The following NALCN variants were observed in gnomAD, a reference collection of about 807,000 sequenced individuals.
The protein encoded by NALCN is sodium leak channel, non-selective.
A neutral mutation model predicts 225.3 loss-of-function variants in NALCN; 111 were observed. The ratio of observed to expected loss-of-function variants is 0.49; its 90% CI spans 0.42 to 0.58. NALCN has a LOEUF of 0.58. Among genes scored for constraint, NALCN ranks in the 20% least tolerant of loss-of-function variants. The pLI is 0.00. For synonymous variants in NALCN, 764 were observed against 769.0 expected, an observed-to-expected ratio of 0.99 and a Z score of 0.11; for missense variants, 1,378 against 2,202.4, an observed-to-expected ratio of 0.63 and a Z score of 7.49.
chr13:101,207,753 G>C (rs903806238), intron 13 of NALCN, among the ~76,000 whole-genome samples: 1 of 152,184 alleles, frequency 6.6e-6, no homozygotes, highest in Non-Finnish European at 1.5e-5. Context: ...TGTGGGTGGG[G>C]CCAGATAAGG....
At chr13:101,274,006 T>G (rs997244496) in intron 10 of NALCN, among the ~76,000 whole-genome samples, 1 of 151,848 alleles carries the variant, frequency 6.6e-6, no homozygotes, top group Non-Finnish European at 1.5e-5. Context: ...TTTCGTGTCA[T>G]CTGGTGTAAA....
At chr13:101,114,333 A>G (rs2035593485) in intron 18 of NALCN, among the ~76,000 whole-genome samples, 1 of 152,106 alleles carries the variant, frequency 6.6e-6, no homozygotes, top group African/African-American at 2.4e-5. Flanking sequence ...TGGAAACATC[A>G]ACGCTTTCTT....
chr13:101,412,688 C>G (rs1182070090), intron 1 of NALCN, among the ~76,000 whole-genome samples: 2 of 152,180 alleles, frequency 1.3e-5, no homozygotes, highest in Non-Finnish European at 2.9e-5. Flanking sequence ...TTAGCTTTTC[C>G]TATCAGTCCT....
chr13:101,137,399 A>C (rs2036854521), intron 17 of NALCN, among the ~76,000 whole-genome samples: 1 of 152,056 alleles, frequency 6.6e-6, no homozygotes, highest in Non-Finnish European at 1.5e-5. Context: ...CTCTCTTTTA[A>C]GGTGAACAAA....
intron 34 of NALCN, among the ~76,000 whole-genome samples, chr13:101,079,155 G>C (rs1453814929): frequency 2.6e-5 from 4 of 152,092 alleles, no homozygotes; most frequent in Admixed American, 1.3e-4. Context: ...ACCCAGTTTT[G>C]GGTATTTCTT....
intron 7 of NALCN, among the ~76,000 whole-genome samples, chr13:101,337,565 C>G (rs1225620506): frequency 6.6e-6 from 1 of 152,178 alleles, no homozygotes; most frequent in Non-Finnish European, 1.5e-5. Context: ...GCCTCAGCCT[C>G]CCAAAGTGCT....
chr13:101,243,318 C>A lies in NALCN; in HGVS notation c.1267-5396G>T, dbSNP rs2041805838. On this transcript the variant is annotated intron_variant, in intron 11 of 43. Coordinates refer to ENST00000251127, the MANE Select transcript of NALCN (RefSeq NM_052867.4). The stretch of plus-strand genomic sequence containing the variant: ...TCAAGGACTATGCCCTTTTTTAACT[C>A]ATTTTTTGGACATTTTTAGTTGAAG... Among the ~76,000 whole-genome samples the A allele has an allele frequency of 1.9e-5, 2 of 103,568 alleles. 1 individual carries two copies. The highest frequency in any genetic ancestry group is 4.3e-5 in the Non-Finnish European group (2 of 46,836). The allele number at this position is 103,568 out of a possible 152,430, so 67.9% of individuals were successfully genotyped here. A position where few individuals can be genotyped will look rare whatever the true frequency, so the allele number is the denominator to read the frequency against.
At chr13:101,317,713 C>A (rs891734371) in intron 7 of NALCN, among the ~76,000 whole-genome samples, 2 of 152,284 alleles carry the variant, frequency 1.3e-5, no homozygotes, top group Middle Eastern at 3.4e-3. Flanking sequence ...CTTACCTCTA[C>A]ATGGGCCAAG....
Position 101,123,736 on chromosome 13 carries a change from A to G in NALCN, c.2192+872T>C, listed in dbSNP as rs569361470. Among the ~76,000 whole-genome samples the G allele has an allele frequency of 1.2e-4, 19 of 152,342 alleles. No homozygotes were observed. The East Asian group carries it at 1.3e-3, about 11-fold the overall frequency. On this transcript the variant is annotated intron_variant, in intron 18 of 43. Transcript: ENST00000251127. The stretch of plus-strand genomic sequence containing the variant: ...CAAATTTTAGGTAGTATTATAAAGT[A>G]AGAATAGTTTTAAAGATCATATATA...
chr13:101,342,408 G>C (rs1462070751), intron 7 of NALCN, among the ~76,000 whole-genome samples: 1 of 152,142 alleles, frequency 6.6e-6, no homozygotes, highest in African/African-American at 2.4e-5. Flanking sequence ...CAACAAAGCA[G>C]TTGTGTCCCC....
In NALCN at chr13:101,143,176, T is replaced by C. The variant is rs1280562693; in HGVS notation, c.2022A>G (p.Thr674=). 2.5e-6 allele frequency: 4 copies of C among 1,613,530 alleles called. No individual in the cohort carries two copies. In the Admixed American group the frequency reaches 5.0e-5, roughly 20 times the overall value. ...TCGGGAGGCTTCTCAGGAGGCAACA[T>C]GTGTCCTGTTGCTGGCGGTCAATAA... The part of the protein sequence containing the change: ...KQFIDRQQQD[T]CCLLRSLPTT... Residue 674 remains threonine, a synonymous_variant, in exon 17 of 44, where the codon ACA becomes ACG. Coordinates refer to ENST00000251127, the MANE Select transcript of NALCN (RefSeq NM_052867.4).
intron 28 of NALCN, among the ~76,000 whole-genome samples, chr13:101,090,470 A>T (rs2034174596): frequency 6.6e-6 from 1 of 152,178 alleles, no homozygotes. Flanking sequence ...TAGTCACTTT[A>T]TTTCACTTTG....
At chr13:101,197,557 G>C (rs1362060500) in intron 13 of NALCN, among the ~76,000 whole-genome samples, 1 of 152,128 alleles carries the variant, frequency 6.6e-6, no homozygotes, top group Non-Finnish European at 1.5e-5. Context: ...TATTTTGTTT[G>C]CTGCTAGTAA....
chr13:101,216,010 C>T (rs1367737363), intron 13 of NALCN, among the ~76,000 whole-genome samples: 1 of 151,962 alleles, frequency 6.6e-6, no homozygotes, highest in East Asian at 1.9e-4. Context: ...CTACCAGTAT[C>T]GAAGGGTAGG....
At chr13:101,344,663 C>T (rs1594713443) in intron 7 of NALCN, among the ~76,000 whole-genome samples, 1 of 152,286 alleles carries the variant, frequency 6.6e-6, no homozygotes, top group Middle Eastern at 3.4e-3. Flanking sequence ...ATGCTAAATT[C>T]TTTCATTATG....
At chr13:101,181,558 AC>A (rs1188078204) in intron 14 of NALCN, among the ~76,000 whole-genome samples, 2 of 144,768 alleles carry the variant, frequency 1.4e-5, no homozygotes, top group African/African-American at 2.7e-5. Context: ...AGCCTGGGCA[AC>A]CCTGTCTCTC....
At chr13:101,314,356 C>T (rs1196142518) in intron 7 of NALCN, among the ~76,000 whole-genome samples, 1 of 151,834 alleles carries the variant, frequency 6.6e-6, no homozygotes, top group Non-Finnish European at 1.5e-5. Context: ...AAAAAACTGT[C>T]ATTAGGCATT....
chr13:101,108,504 TAGA>T (rs1405002275), intron 20 of NALCN, among the ~76,000 whole-genome samples: 2 of 152,186 alleles, frequency 1.3e-5, no homozygotes, highest in African/African-American at 4.8e-5. Context: ...ATAGACAGGC[TAGA>T]AGATTATGAT....
At chr13:101,358,659 C>A (rs759404574) in intron 6 of NALCN, among the ~76,000 whole-genome samples, 7 of 152,080 alleles carry the variant, frequency 4.6e-5, no homozygotes, top group Non-Finnish European at 7.4e-5. Flanking sequence ...GATCTAGAAC[C>A]AGAAATAAAA....
Sources: allele counts gnomAD v4.1 joint callset (sites outside exome capture counted in the v4.1 genomes callset), GRCh38; gene constraint gnomAD v4.1.1; transcripts MANE v1.5; gene names NCBI Gene and HGNC (gene_info 2026-07-23, HGNC 2026-07-21).